The following CCDC172 variants were observed in gnomAD, a reference collection of about 807,000 sequenced individuals.
The protein encoded by CCDC172 is coiled-coil domain containing 172.
In CCDC172, 30 loss-of-function variants were observed where a neutral mutation model predicts 38.0. That is an observed-to-expected ratio of 0.79 (90% confidence interval 0.59 to 1.07). The LOEUF (loss-of-function observed/expected upper bound fraction) is 1.07, where lower values mean the gene tolerates loss of function less well. Among genes scored for constraint, CCDC172 ranks in the 50% least tolerant of loss-of-function variants. CCDC172 has a pLI of 0.00. For missense variants in CCDC172, 297 were observed against 290.1 expected (o/e 1.02, Z -0.17); for synonymous variants, 78 against 88.3 (o/e 0.88, Z 0.66).
intron 3 of CCDC172, among the ~76,000 whole-genome samples, chr10:116,331,815 G>A (rs1267378270): frequency 1.3e-5 from 2 of 151,946 alleles, no homozygotes; most frequent in African/African-American, 2.4e-5. Flanking sequence ...CTGCTGCCAG[G>A]GCCTCACAGG....
intron 7 of CCDC172, among the ~76,000 whole-genome samples, chr10:116,361,258 T>C (rs115362012): frequency 1.3e-5 from 2 of 152,188 alleles, no homozygotes; most frequent in African/African-American, 4.8e-5. Context: ...GTGTTAAGAT[T>C]ACAGGCGTGA....
intron 3 of CCDC172, among the ~76,000 whole-genome samples, chr10:116,327,429 GATATA>G (rs1167118510): frequency 5.3e-5 from 8 of 151,972 alleles, no homozygotes; most frequent in African/African-American, 1.7e-4. Context: ...ATATTGACCT[GATATA>G]ATATATTTTT....
At chr10:116,353,582 C>CA (rs1158876174) in intron 5 of CCDC172, among the ~76,000 whole-genome samples, 1 of 151,978 alleles carries the variant, frequency 6.6e-6, no homozygotes, top group East Asian at 1.9e-4. Flanking sequence ...AGACGTTTCC[C>CA]AAAAAAGCTA....
chr10:116,363,946 A>T (rs200596825), intron 7 of CCDC172, among the ~76,000 whole-genome samples: 8 of 150,626 alleles, frequency 5.3e-5, no homozygotes, highest in East Asian at 4.0e-4. Flanking sequence ...AAAAAAAAAA[A>T]AAATAATAAT....
intron 7 of CCDC172, among the ~76,000 whole-genome samples, chr10:116,373,012 CAGA>C (rs1230055987): frequency 6.6e-6 from 1 of 152,052 alleles, no homozygotes; most frequent in Non-Finnish European, 1.5e-5. Flanking sequence ...GACTACATTA[CAGA>C]AAAGGGCTGT....
In CCDC172 at chr10:116,379,804, A is replaced by G. The variant is rs1290416891; in HGVS notation, c.*446A>G. The G allele has an allele frequency of 1.3e-5, 2 of 153,210 alleles. No homozygotes were observed. The highest frequency in any genetic ancestry group is 6.5e-5 in the Admixed American group (1 of 15,302). 9.5% of individuals were successfully genotyped at this position (153,210 alleles called of 1,614,324 possible). ...GGTTTCTCATGAATAGCTTAGCACCATTCTTCTTGGTACTGTCCTTGAGTT... is the reference window on the plus strand; with the variant it reads ...GGTTTCTCATGAATAGCTTAGCACCGTTCTTCTTGGTACTGTCCTTGAGTT... On this transcript the variant is annotated 3_prime_UTR_variant, in exon 9 of 9. Transcript: ENST00000333254.
chr10:116,367,174 C>G (rs76030171), intron 7 of CCDC172, among the ~76,000 whole-genome samples: 1 of 151,868 alleles, frequency 6.6e-6, no homozygotes, highest in Non-Finnish European at 1.5e-5. Flanking sequence ...AATTTTTAAT[C>G]ATTTTTTATA....
intron 3 of CCDC172, among the ~76,000 whole-genome samples, chr10:116,330,801 A>G (rs1156233700): frequency 6.6e-6 from 1 of 152,074 alleles, no homozygotes; most frequent in Non-Finnish European, 1.5e-5. Context: ...TGGCACAACA[A>G]CAGTTCACTG....
intron 7 of CCDC172, among the ~76,000 whole-genome samples, chr10:116,370,250 A>C (rs1322508525): frequency 6.6e-6 from 1 of 151,862 alleles, no homozygotes; most frequent in African/African-American, 2.4e-5. Context: ...TTTGAGCAAT[A>C]GTTTAAAAGT....
intron 3 of CCDC172, among the ~76,000 whole-genome samples, chr10:116,337,311 C>T (rs1290901300): frequency 6.6e-6 from 1 of 151,978 alleles, no homozygotes; most frequent in Non-Finnish European, 1.5e-5. Context: ...CCCCACCACA[C>T]CTGGCTGATT....
At chr10:116,354,022 C>CA (rs1844963616) in intron 5 of CCDC172, among the ~76,000 whole-genome samples, 3 of 152,198 alleles carry the variant, frequency 2.0e-5, no homozygotes, top group African/African-American at 4.8e-5. Context: ...AACATGTCCA[C>CA]ACAAGACCTT....
At chr10:116,377,771 G>A (rs1845266174) in intron 7 of CCDC172, among the ~76,000 whole-genome samples, 1 of 152,056 alleles carries the variant, frequency 6.6e-6, no homozygotes, top group African/African-American at 2.4e-5. Flanking sequence ...GAAGCTAAAT[G>A]TTTTAACTAA....
At position 116,342,105 on chromosome 10, in the gene CCDC172, G is replaced by T; in HGVS notation, c.352G>T (p.Asp118Tyr). Residue 118 changes from aspartate to tyrosine, a missense_variant, in exon 5 of 9, where the codon GAT (aspartate) becomes TAT (tyrosine). By Grantham distance (160) the Asp-to-Tyr change is radical. Coordinates refer to ENST00000333254, the MANE Select transcript of CCDC172 (RefSeq NM_198515.3). ...TAAGGAAATTACAGACTTTAATAAT[G>T]ATTATGAAATAACAAAGAAAAGAGA... Reference protein sequence around the residue: ...FIKEITDFNNDYEITKKRELL... With the variant: ...FIKEITDFNNYYEITKKRELL... 1 of 1,550,322 alleles carries T rather than the reference G, an allele frequency of 6.5e-7. No homozygotes were observed. Among genetic ancestry groups the T allele is most frequent in the South Asian group, 1.2e-5 (1 of 81,640 alleles).
At chr10:116,368,837 C>T (rs1454829047) in intron 7 of CCDC172, among the ~76,000 whole-genome samples, 1 of 152,048 alleles carries the variant, frequency 6.6e-6, no homozygotes, top group African/African-American at 2.4e-5. Context: ...TCCTCCAACT[C>T]AAATCTAAAA....
At position 116,375,967 on chromosome 10, in the gene CCDC172, G is replaced by A. The variant is rs747775708; in HGVS notation, c.654-2456G>A. 4.1e-4 allele frequency among the ~76,000 whole-genome samples: 62 copies of A among 152,278 alleles called. 1 individual carries two copies. The highest frequency in any genetic ancestry group is 3.4e-3 in the Middle Eastern group (1 of 294). ...CAACCATTGTGGAAGACAGTATGGC[G>A]ATTCCTTAAAGATCTAGAACTAGAA... On this transcript the variant is annotated intron_variant, in intron 7 of 8. Coordinates refer to ENST00000333254, the MANE Select transcript of CCDC172 (RefSeq NM_198515.3).
intron 1 of CCDC172, 51 bp from the exon 2 acceptor site, chr10:116,324,896 C>A: frequency 2.4e-6 from 2 of 822,298 alleles, no homozygotes; most frequent in Non-Finnish European, 4.0e-6. Flanking sequence ...GGAGACAGGT[C>A]TATCTGGGAA....
chr10:116,358,017 A>G, intron 7 of CCDC172, 79 bp downstream of exon 7: 1 of 717,808 alleles, frequency 1.4e-6, no homozygotes, highest in South Asian at 1.6e-5. Context: ...AGCTAAGTGC[A>G]TCAATTATTA....
intron 7 of CCDC172, among the ~76,000 whole-genome samples, chr10:116,359,637 G>A (rs1845039983): frequency 6.6e-6 from 1 of 152,120 alleles, no homozygotes; most frequent in South Asian, 2.1e-4. Context: ...CGCTGGGGAA[G>A]GGGGTTGCAA....
In CCDC172 at chr10:116,342,018, T is replaced by G; in HGVS notation, c.283-18T>G. The G allele has an allele frequency of 1.4e-6, 2 of 1,444,442 alleles. No individual in the cohort carries two copies. The highest frequency in any genetic ancestry group is 1.8e-6 in the Non-Finnish European group (2 of 1,083,634). The allele number at this position is 1,444,442 out of a possible 1,614,324, so 89.5% of individuals were successfully genotyped here. ...TGCAACTAACACCTATATTTGATCTTTTATTTATGTTTTTCAGGAGGCTAT... is the reference window on the plus strand; with the variant it reads ...TGCAACTAACACCTATATTTGATCTGTTATTTATGTTTTTCAGGAGGCTAT... On this transcript the variant is annotated intron_variant, in intron 4 of 8. Coordinates refer to ENST00000333254, the MANE Select transcript of CCDC172 (RefSeq NM_198515.3).
Sources: allele counts gnomAD v4.1 joint callset (sites outside exome capture counted in the v4.1 genomes callset), GRCh38; gene constraint gnomAD v4.1.1; transcripts MANE v1.5; gene names NCBI Gene and HGNC (gene_info 2026-07-23, HGNC 2026-07-21).